The following RGS7BP variants were observed in gnomAD, a reference collection of about 807,000 sequenced individuals.
RGS7BP encodes regulator of G protein signaling 7 binding protein.
RGS7BP carries 9 observed loss-of-function variants against 31.3 expected under a neutral mutation model. The ratio of observed to expected loss-of-function variants is 0.29; its 90% CI spans 0.17 to 0.50. RGS7BP has a LOEUF of 0.50. Ranked by LOEUF, RGS7BP falls within the 20% of genes least tolerant of loss-of-function variation. RGS7BP has a pLI of 0.98. For synonymous variants in RGS7BP, 115 were observed against 120.1 expected (o/e 0.96, Z 0.28); for missense variants, 274 against 322.0 (o/e 0.85, Z 1.14).
At chr5:64,586,083 A>G (rs1279561933) in intron 3 of RGS7BP, among the ~76,000 whole-genome samples, 9 of 152,188 alleles carry the variant, frequency 5.9e-5, no homozygotes, top group Non-Finnish European at 8.8e-5. Context: ...TTGGAAGCAC[A>G]TGTTGGCCTC....
Position 64,611,943 on chromosome 5 carries a change from C to T in RGS7BP, c.*2691C>T, listed in dbSNP as rs1457680436. The T allele has an allele frequency of 6.6e-6, 1 of 151,992 alleles. No individual in the cohort carries two copies. Among genetic ancestry groups the T allele is most frequent in the African/African-American group, 2.4e-5 (1 of 41,382 alleles). 9.4% of individuals were successfully genotyped at this position (151,992 alleles called of 1,614,324 possible). On this transcript the variant is annotated 3_prime_UTR_variant, in exon 6 of 6. Transcript: ENST00000334025. ...ATTCGCTTTCAGATTAGCAATAACA[C>T]TGAGCTGATCTCTAGGGTTAAGAAG... is the stretch of plus-strand genomic sequence containing the variant.
At chr5:64,583,068 G>T (rs1044097927) in intron 3 of RGS7BP, among the ~76,000 whole-genome samples, 1 of 152,132 alleles carries the variant, frequency 6.6e-6, no homozygotes, top group East Asian at 1.9e-4. Flanking sequence ...CACTGTTCTG[G>T]GTGGTGAGAG....
intron 2 of RGS7BP, among the ~76,000 whole-genome samples, chr5:64,563,246 G>T (rs978834638): frequency 6.6e-6 from 1 of 152,034 alleles, no homozygotes; most frequent in Non-Finnish European, 1.5e-5. Flanking sequence ...TATACTTTGA[G>T]CCTGGACAAT....
At chr5:64,582,428 C>A (rs914580059) in intron 3 of RGS7BP, among the ~76,000 whole-genome samples, 2 of 152,182 alleles carry the variant, frequency 1.3e-5, no homozygotes, top group Non-Finnish European at 2.9e-5. Flanking sequence ...CACATGTGAA[C>A]CTGCCCTTTC....
chr5:64,569,672 A>T (rs1244838052), intron 2 of RGS7BP, among the ~76,000 whole-genome samples: 2 of 152,160 alleles, frequency 1.3e-5, no homozygotes, highest in Non-Finnish European at 1.5e-5. Flanking sequence ...TCCCTCACTG[A>T]AGTCATATGA....
chr5:64,531,994 T>C (rs977039468), intron 2 of RGS7BP, among the ~76,000 whole-genome samples: 1 of 152,220 alleles, frequency 6.6e-6, no homozygotes, highest in Admixed American at 6.5e-5. Context: ...TTTTGCTATG[T>C]GCATACAAGC....
intron 2 of RGS7BP, among the ~76,000 whole-genome samples, chr5:64,544,661 G>A (rs928696908): frequency 1.3e-5 from 2 of 151,718 alleles, no homozygotes; most frequent in African/African-American, 2.4e-5. Context: ...GCAACCAAGC[G>A]AGACCCTGTC....
chr5:64,573,542 G>A (rs1475519196), intron 2 of RGS7BP: 1 of 145,404 alleles, frequency 6.9e-6, no homozygotes, highest in Non-Finnish European at 1.5e-5. Context: ...AGGTTTTAAA[G>A]GTTTTAAAAA....
intron 2 of RGS7BP, among the ~76,000 whole-genome samples, chr5:64,558,914 A>C (rs1741987604): frequency 6.6e-6 from 1 of 152,142 alleles, no homozygotes; most frequent in South Asian, 2.1e-4. Flanking sequence ...AGGATTAGGA[A>C]ATTCCAGCCT....
chr5:64,568,714 A>T (rs1742228299), intron 2 of RGS7BP, among the ~76,000 whole-genome samples: 1 of 151,998 alleles, frequency 6.6e-6, no homozygotes, highest in South Asian at 2.1e-4. Flanking sequence ...GATGACTTAC[A>T]ATTTAATAGT....
intron 2 of RGS7BP, among the ~76,000 whole-genome samples, chr5:64,536,145 C>T (rs147474350): frequency 3.9e-5 from 6 of 152,288 alleles, no homozygotes; most frequent in African/African-American, 1.4e-4. Flanking sequence ...CCTCATTAAA[C>T]ATCAAGGAAC....
At chr5:64,569,776 T>A (rs1360736589) in intron 2 of RGS7BP, among the ~76,000 whole-genome samples, 1 of 152,172 alleles carries the variant, frequency 6.6e-6, no homozygotes, top group Non-Finnish European at 1.5e-5. Context: ...TGGGCATATT[T>A]GAAGAGAGGT....
chr5:64,578,541 C>T (rs1742496660), intron 3 of RGS7BP, among the ~76,000 whole-genome samples: 1 of 152,136 alleles, frequency 6.6e-6, no homozygotes, highest in Admixed American at 6.5e-5. Flanking sequence ...AAGAACTGCT[C>T]CTCTACCCTT....
At chr5:64,591,774 AC>A (rs752260353) in intron 3 of RGS7BP, among the ~76,000 whole-genome samples, 2 of 152,204 alleles carry the variant, frequency 1.3e-5, no homozygotes, top group African/African-American at 4.8e-5. Flanking sequence ...TCTAAGCTGG[AC>A]TACAGTAGCA....
intron 2 of RGS7BP, among the ~76,000 whole-genome samples, chr5:64,523,336 A>T (rs76856357): frequency 1.1e-4 from 17 of 151,130 alleles, no homozygotes; most frequent in African/African-American, 4.1e-4. Flanking sequence ...CAAATGTGCC[A>T]TTTTTTTTTG....
chr5:64,586,213 G>C (rs930708218), intron 3 of RGS7BP, among the ~76,000 whole-genome samples: 1 of 152,090 alleles, frequency 6.6e-6, no homozygotes, highest in African/African-American at 2.4e-5. Context: ...CACTTTCCAG[G>C]TTTGGATGGC....
At chr5:64,584,625 A>G (rs1325288836) in intron 3 of RGS7BP, among the ~76,000 whole-genome samples, 1 of 152,204 alleles carries the variant, frequency 6.6e-6, no homozygotes, top group African/African-American at 2.4e-5. Flanking sequence ...TGCTTCTTAC[A>G]CAGCTACTTG....
chr5:64,549,125 A>T (rs1741729034), intron 2 of RGS7BP, among the ~76,000 whole-genome samples: 1 of 152,182 alleles, frequency 6.6e-6, no homozygotes, highest in Non-Finnish European at 1.5e-5. Flanking sequence ...TAAATCAGAT[A>T]TGAATGAGAG....
intron 2 of RGS7BP, among the ~76,000 whole-genome samples, chr5:64,522,895 T>C (rs1749142846): frequency 6.6e-6 from 1 of 152,164 alleles, no homozygotes; most frequent in South Asian, 2.1e-4. Context: ...TCCAGGAAAG[T>C]CTTGCTTCAC....
Sources: allele counts gnomAD v4.1 joint callset (sites outside exome capture counted in the v4.1 genomes callset), GRCh38; gene constraint gnomAD v4.1.1; transcripts MANE v1.5; gene names NCBI Gene and HGNC (gene_info 2026-07-23, HGNC 2026-07-21).